The following TRIQK variants were observed in gnomAD, a reference collection of about 807,000 sequenced individuals.
TRIQK encodes triple QxxK/R motif-containing protein.
In TRIQK, 10 loss-of-function variants were observed where a neutral mutation model predicts 10.8. The ratio of observed to expected loss-of-function variants is 0.92; its 90% CI spans 0.57 to 1.57. The LOEUF is 1.57. TRIQK is among the 40% of genes most tolerant of loss of function. The pLI is 0.00. For synonymous variants in TRIQK, 33 were observed against 33.7 expected, an observed-to-expected ratio of 0.98 and a Z score of 0.07; for missense variants, 107 against 97.7, an observed-to-expected ratio of 1.09 and a Z score of -0.40.
chr8:92,887,501 T>G (rs1456579925), intron 4 of TRIQK, among the ~76,000 whole-genome samples: 1 of 151,484 alleles, frequency 6.6e-6, no homozygotes, highest in Non-Finnish European at 1.5e-5. Context: ...AGTATGTATA[T>G]GTATATATCT....
intron 2 of TRIQK, among the ~76,000 whole-genome samples, chr8:92,952,830 T>C (rs79636926): frequency 1.2e-4 from 18 of 152,182 alleles, no homozygotes; most frequent in African/African-American, 4.3e-4. Context: ...CAATTTGCTT[T>C]GACCAATGAA....
intron 3 of TRIQK, among the ~76,000 whole-genome samples, chr8:92,913,127 C>A (rs1390890048): frequency 6.6e-6 from 1 of 152,042 alleles, no homozygotes; most frequent in Admixed American, 6.6e-5. Flanking sequence ...TGGGATTTAT[C>A]CCTGGGCTAT....
At chr8:92,969,055 G>A (rs1051552813), upstream of TRIQK, among the ~76,000 whole-genome samples, 3 of 152,086 alleles carry the variant, frequency 2.0e-5, no homozygotes, top group Admixed American at 6.6e-5. Context: ...TATTAAATAG[G>A]GAATCCTTTC....
At chr8:92,954,589 G>C (rs560445151) in intron 1 of TRIQK, 25 bp from the exon 2 acceptor site, 1 of 151,978 alleles carries the variant, frequency 6.6e-6, no homozygotes, top group South Asian at 2.1e-4. Context: ...AAAGTATATA[G>C]AAATAGTAAA....
intron 1 of TRIQK, among the ~76,000 whole-genome samples, chr8:92,980,253 ATTTAC>A (rs1236757747): frequency 3.9e-5 from 6 of 152,160 alleles, no homozygotes; most frequent in Admixed American, 1.3e-4. Context: ...TAATATGGGA[ATTTAC>A]TTTATCTAGA....
intron 2 of TRIQK, among the ~76,000 whole-genome samples, chr8:92,925,473 C>T (rs1810401826): frequency 6.6e-6 from 1 of 152,010 alleles, no homozygotes; most frequent in Non-Finnish European, 1.5e-5. Context: ...GTATTCATAA[C>T]ATATGTATCT....
chr8:92,961,423 A>G (rs1462842268), intron 1 of TRIQK, among the ~76,000 whole-genome samples: 2 of 152,150 alleles, frequency 1.3e-5, no homozygotes, highest in Non-Finnish European at 2.9e-5. Flanking sequence ...ATTCAGTACT[A>G]TATACTGAGT....
At chr8:92,919,562 C>T (rs1810061798) in intron 2 of TRIQK, among the ~76,000 whole-genome samples, 1 of 151,718 alleles carries the variant, frequency 6.6e-6, no homozygotes, top group Admixed American at 6.6e-5. Context: ...GAGATTTTTA[C>T]ATCTATGTTC....
At chr8:92,949,949 CATTT>C (rs757092858) in intron 2 of TRIQK, among the ~76,000 whole-genome samples, 8 of 151,826 alleles carry the variant, frequency 5.3e-5, no homozygotes, top group Non-Finnish European at 1.2e-4. Context: ...TTTTGAGCTC[CATTT>C]ATTTAAGATT....
intron 2 of TRIQK, among the ~76,000 whole-genome samples, chr8:92,933,380 T>A (rs1208233734): frequency 6.6e-6 from 1 of 152,138 alleles, no homozygotes; most frequent in African/African-American, 2.4e-5. Context: ...ATCTACAGAA[T>A]AAATAACCTG....
At chr8:93,014,842 T>C (rs372131313) in intron 1 of TRIQK, among the ~76,000 whole-genome samples, 1 of 152,076 alleles carries the variant, frequency 6.6e-6, no homozygotes, top group Admixed American at 6.6e-5. Flanking sequence ...GATTGTTAGT[T>C]ATTGAAGTCT....
At chr8:92,892,950 T>G (rs1816835225) in intron 3 of TRIQK, among the ~76,000 whole-genome samples, 1 of 151,998 alleles carries the variant, frequency 6.6e-6, no homozygotes, top group Admixed American at 6.6e-5. Context: ...AACAATATAA[T>G]ATTTTATTCT....
At chr8:92,962,648 T>C (rs1246314927) in intron 1 of TRIQK, among the ~76,000 whole-genome samples, 4 of 152,142 alleles carry the variant, frequency 2.6e-5, no homozygotes. Context: ...AGATTAACAG[T>C]CCTGGCCTCA....
chr8:92,894,576 A>C (rs1808493858), intron 3 of TRIQK, among the ~76,000 whole-genome samples: 1 of 152,006 alleles, frequency 6.6e-6, no homozygotes, highest in African/African-American at 2.4e-5. Context: ...TTGCTCATTA[A>C]ATCTTATGTG....
chr8:92,981,248 T>TAA (rs1812983164), intron 1 of TRIQK, among the ~76,000 whole-genome samples: 1 of 151,902 alleles, frequency 6.6e-6, no homozygotes, highest in Non-Finnish European at 1.5e-5. Context: ...TTTCGGTGGC[T>TAA]TTTTTGAGGT....
rs1816328960 is a variant in TRIQK at position 92,883,776 on chromosome 8, A to G, written c.*2846T>C. 1 of 151,820 alleles carries G rather than the reference A, an allele frequency of 6.6e-6. No homozygotes were observed. The highest frequency in any genetic ancestry group is 1.5e-5 in the Non-Finnish European group (1 of 67,858). The allele number at this position is 151,820 out of a possible 1,614,324, so 9.4% of individuals were successfully genotyped here. A position where few individuals can be genotyped will look rare whatever the true frequency, so the allele number is the denominator to read the frequency against. Reference sequence around the variant, plus strand: ...TTTCTTCTGTCTTCATGAAAAATTAAAAAGATAGAAAATCTTGAAGTATTT... The same window carrying G: ...TTTCTTCTGTCTTCATGAAAAATTAGAAAGATAGAAAATCTTGAAGTATTT... On this transcript the variant is annotated 3_prime_UTR_variant, in exon 5 of 5. Coordinates refer to ENST00000521988, the MANE Select transcript of TRIQK (RefSeq NM_001171797.2).
chr8:92,897,620 C>T (rs1808678991), intron 3 of TRIQK, among the ~76,000 whole-genome samples: 1 of 152,116 alleles, frequency 6.6e-6, no homozygotes, highest in Admixed American at 6.6e-5. Context: ...GACTCCAGAA[C>T]TTTAAAAAAT....
At chr8:93,004,662 A>G (rs1370262136) in intron 1 of TRIQK, among the ~76,000 whole-genome samples, 1 of 152,142 alleles carries the variant, frequency 6.6e-6, no homozygotes, top group Non-Finnish European at 1.5e-5. Flanking sequence ...AGGTCATGCA[A>G]ATGAGTGTAG....
chr8:92,897,330 C>T (rs1408682284), intron 3 of TRIQK, among the ~76,000 whole-genome samples: 2 of 152,158 alleles, frequency 1.3e-5, no homozygotes, highest in Non-Finnish European at 2.9e-5. Flanking sequence ...GTAAGAAGGA[C>T]ATGAACTTTG....
Sources: allele counts gnomAD v4.1 joint callset (sites outside exome capture counted in the v4.1 genomes callset), GRCh38; gene constraint gnomAD v4.1.1; transcripts MANE v1.5; gene names NCBI Gene and HGNC (gene_info 2026-07-23, HGNC 2026-07-21).